Variants in CAPN2 observed in about 807,000 individuals in gnomAD.
The protein encoded by CAPN2 is calpain-2 catalytic subunit.
A neutral mutation model predicts 102.3 loss-of-function variants in CAPN2; 92 were observed. The ratio of observed to expected loss-of-function variants is 0.90; its 90% CI spans 0.76 to 1.07. CAPN2 has a LOEUF of 1.07. Ranked by LOEUF, CAPN2 falls within the 50% of genes least tolerant of loss-of-function variation. The pLI is 0.00. For synonymous variants in CAPN2, 340 were observed against 355.4 expected (o/e 0.96, Z 0.49); for missense variants, 800 against 909.4 (o/e 0.88, Z 1.55).
chr1:223,767,612 C>CA (rs1465157168), intron 16 of CAPN2, among the ~76,000 whole-genome samples: 1 of 150,760 alleles, frequency 6.6e-6, no homozygotes, highest in African/African-American at 2.4e-5. Flanking sequence ...GGGTTGGTTC[C>CA]AAGTCTTTGC....
rs929893700 is a variant in CAPN2 at position 223,755,490 on chromosome 1, G to C, written c.1146G>C (p.Trp382Cys). 1 of 1,613,862 alleles carries C rather than the reference G, an allele frequency of 6.2e-7. No individual in the cohort carries two copies. Among genetic ancestry groups the C allele is most frequent in the African/African-American group, 1.3e-5 (1 of 74,926 alleles). The change falls in exon 10 of 21, where the codon TGG becomes TGC. Residue 382 changes from tryptophan to cysteine, a missense_variant. Physicochemically the swap from Trp to Cys is radical, Grantham distance 215. Transcript: ENST00000295006. The surrounding 1 kb of genome is among the most constrained non-coding windows in gnomAD (Gnocchi z 4.1). Reference sequence around the variant, plus strand: ...CCTTTCTGGCTGCAGACACATTCTGGATGAACCCTCAGTACCTGATCAAGC... The same window carrying C: ...CCTTTCTGGCTGCAGACACATTCTGCATGAACCCTCAGTACCTGATCAAGC... ...GGCRNYPNTF[W>C]MNPQYLIKLE...
Position 223,761,580 on chromosome 1 carries a change from G to C in CAPN2, c.1530-1G>C. On this transcript the variant is annotated splice_acceptor_variant, in intron 12 of 20. Coordinates refer to ENST00000295006, the MANE Select transcript of CAPN2 (RefSeq NM_001748.5). LOFTEE classifies it high-confidence loss of function. Reference sequence around the variant, plus strand: ...AACACATAATTTCCTTCTATTTCCAGAGCTGTCGATGATGAAATCGAGGCC... The same window carrying C: ...AACACATAATTTCCTTCTATTTCCACAGCTGTCGATGATGAAATCGAGGCC... 2 of 1,612,286 alleles carry C rather than the reference G, an allele frequency of 1.2e-6. No homozygotes were observed. The highest frequency in any genetic ancestry group is 1.7e-6 in the Non-Finnish European group (2 of 1,178,808).
At chr1:223,717,691 G>A (rs1447984185) in intron 1 of CAPN2, 71 bp from the exon 2 acceptor site, 1 of 1,236,504 alleles carries the variant, frequency 8.1e-7, no homozygotes, top group Non-Finnish European at 1.2e-6. Context: ...ACCCCACTGA[G>A]AATGGAGGCA....
intron 2 of CAPN2, among the ~76,000 whole-genome samples, chr1:223,721,639 CCACTG>C (rs1660053915): frequency 6.6e-6 from 1 of 152,206 alleles, no homozygotes; most frequent in African/African-American, 2.4e-5. Flanking sequence ...CCCAGAGCAC[CCACTG>C]GGAGGTGTTT....
chr1:223,714,975 C>T (rs1659838018), intron 1 of CAPN2, among the ~76,000 whole-genome samples: 1 of 152,140 alleles, frequency 6.6e-6, no homozygotes, highest in Non-Finnish European at 1.5e-5. Flanking sequence ...CTTTTACGAT[C>T]CCCATTTGCC....
At chr1:223,716,025 G>A (rs939754386) in intron 1 of CAPN2, among the ~76,000 whole-genome samples, 1 of 152,142 alleles carries the variant, frequency 6.6e-6, no homozygotes, top group Non-Finnish European at 1.5e-5. Context: ...GACTTCCCAG[G>A]GTCCTACGAC....
rs1437092596 is a variant in CAPN2 at position 223,731,715 on chromosome 1, G to A, written c.308-12385G>A. Reference sequence around the variant, plus strand: ...GACATGTCCTCCAGAGTTGACTTACGCGAGGACAGAGGTGTGCAGAGGCAC... The same window carrying A: ...GACATGTCCTCCAGAGTTGACTTACACGAGGACAGAGGTGTGCAGAGGCAC... On this transcript the variant is annotated intron_variant, in intron 2 of 20. Transcript: ENST00000295006. This position sits in a 1 kb window ranked among gnomAD's most constrained non-coding sequence, Gnocchi z 4.2. Among the ~76,000 whole-genome samples the A allele has an allele frequency of 6.6e-6, 1 of 152,204 alleles. No homozygotes were observed. Among genetic ancestry groups the A allele is most frequent in the African/African-American group, 2.4e-5 (1 of 41,448 alleles).
intron 20 of CAPN2, among the ~76,000 whole-genome samples, chr1:223,774,617 T>G (rs999774694): frequency 6.6e-6 from 1 of 152,216 alleles, no homozygotes; most frequent in Non-Finnish European, 1.5e-5. Context: ...CCCTGTAATA[T>G]GATTCATGGC....
chr1:223,735,746 C>T (rs1402693716), intron 2 of CAPN2, among the ~76,000 whole-genome samples: 9 of 151,472 alleles, frequency 5.9e-5, no homozygotes, highest in South Asian at 2.1e-4. Context: ...AAGGTACCCC[C>T]GCCCCTGCCA....
rs1553255752 is a variant in CAPN2 at position 223,759,047 on chromosome 1, TA to T, written c.1318-216del. The T allele has an allele frequency of 5.2e-6, 3 of 572,678 alleles. No homozygotes were observed. The highest frequency in any genetic ancestry group is 3.8e-5 in the African/African-American group (2 of 53,272). 35.5% of individuals were successfully genotyped at this position (572,678 alleles called of 1,614,324 possible). On this transcript the variant is annotated intron_variant, in intron 11 of 20. Transcript: ENST00000295006. The surrounding 1 kb of genome is among the most constrained non-coding windows in gnomAD (Gnocchi z 4.6). ...CATTGTCACTGTACTGCTATTTTTT[TA>T]AAAAAATTTTGTTGTTTTGTTGTTG...
At chr1:223,707,244 C>G (rs7543197) in intron 1 of CAPN2, among the ~76,000 whole-genome samples, 1 of 122,022 alleles carries the variant, frequency 8.2e-6, no homozygotes, top group African/African-American at 3.4e-5. Context: ...TTTTCTCTCT[C>G]TCTCTCTCTT....
At chr1:223,723,139 A>G (rs564173532) in intron 2 of CAPN2, among the ~76,000 whole-genome samples, 35 of 152,210 alleles carry the variant, frequency 2.3e-4, no homozygotes, top group African/African-American at 7.9e-4. Flanking sequence ...TGGGCAACAT[A>G]GCAAAACTCT....
upstream of CAPN2, among the ~76,000 whole-genome samples, chr1:223,708,484 G>T (rs1659660406): frequency 6.6e-6 from 1 of 151,382 alleles, no homozygotes; most frequent in Admixed American, 6.6e-5. Context: ...AAAGACTATT[G>T]CAGGCCAGGC....
chr1:223,707,079 CAAA>C (rs34249886), intron 1 of CAPN2, among the ~76,000 whole-genome samples: 2 of 80,914 alleles, frequency 2.5e-5, no homozygotes, highest in Non-Finnish European at 2.6e-5. Flanking sequence ...GACTCCACCT[CAAA>C]AAAAAAAAAA....
rs528900804 is a variant in CAPN2 at position 223,731,619 on chromosome 1, C to G, written c.308-12481C>G. 6.6e-6 allele frequency among the ~76,000 whole-genome samples: 1 copy of G among 152,348 alleles called. No homozygotes were observed. The highest frequency in any genetic ancestry group is 1.5e-5 in the Non-Finnish European group (1 of 68,036). On this transcript the variant is annotated intron_variant, in intron 2 of 20. Coordinates refer to ENST00000295006, the MANE Select transcript of CAPN2 (RefSeq NM_001748.5). The surrounding 1 kb of genome is among the most constrained non-coding windows in gnomAD (Gnocchi z 4.2). ...AGAACCAGCGCCAGTCTCCTCTAGA[C>G]TGAGTACAGGCCTGGCACGGAGCCA...
In CAPN2 at chr1:223,712,557, C is replaced by T; in HGVS notation, c.-84C>T. The T allele has an allele frequency of 7.6e-7, 1 of 1,318,080 alleles. No individual in the cohort carries two copies. Among genetic ancestry groups the T allele is most frequent in the East Asian group, 3.2e-5 (1 of 30,836 alleles). 81.6% of individuals were successfully genotyped at this position (1,318,080 alleles called of 1,614,324 possible). A position where few individuals can be genotyped will look rare whatever the true frequency, so the allele number is the denominator to read the frequency against. On this transcript the variant is annotated 5_prime_UTR_variant, in exon 1 of 21. Transcript: ENST00000295006. ...CGCCCGCAGTGGCCGCAGCAGCGCG[C>T]CGGGCCCTGGCCGCGCCCCAGCCGA...
chr1:223,716,785 A>G (rs1401642134), intron 1 of CAPN2, among the ~76,000 whole-genome samples: 2 of 152,004 alleles, frequency 1.3e-5, no homozygotes, highest in East Asian at 3.9e-4. Flanking sequence ...AAACACACTC[A>G]GAGGGCTGCT....
At chr1:223,719,828 G>A (rs1660001599) in intron 2 of CAPN2, among the ~76,000 whole-genome samples, 1 of 150,716 alleles carries the variant, frequency 6.6e-6, no homozygotes, top group Admixed American at 6.6e-5. Context: ...GTGTGTGTGT[G>A]TGTGCGCGCG....
At chr1:223,744,438 T>C (rs1660700474) in intron 3 of CAPN2, among the ~76,000 whole-genome samples, 3 of 151,830 alleles carry the variant, frequency 2.0e-5, no homozygotes, top group Admixed American at 2.0e-4. Flanking sequence ...TTGGGACATG[T>C]AAAAGGGAGG....
Sources: gnomAD v4.1 joint callset for allele counts (sites outside exome capture counted in the v4.1 genomes callset) on GRCh38, gnomAD v4.1.1 for gene constraint, Gnocchi (gnomAD v3.1) non-coding constraint, MANE v1.5 for transcripts, NCBI Gene and HGNC (gene_info 2026-07-23, HGNC 2026-07-21) for gene names.